The following MCEE variants were observed in gnomAD, a reference collection of about 807,000 sequenced individuals.
MCEE encodes methylmalonyl-CoA epimerase.
A neutral mutation model predicts 12.9 loss-of-function variants in MCEE; 6 were observed. The ratio of observed to expected loss-of-function variants is 0.47; its 90% CI spans 0.26 to 0.92. The LOEUF is 0.92. Among genes scored for constraint, MCEE ranks in the 40% least tolerant of loss-of-function variants. The pLI is 0.16. For synonymous variants in MCEE, 78 were observed against 77.9 expected (o/e 1.00, Z -0.01); for missense variants, 214 against 212.1 (o/e 1.01, Z -0.05).
At chr2:71,127,607 T>C (rs1171331343) in intron 1 of MCEE, among the ~76,000 whole-genome samples, 2 of 152,050 alleles carry the variant, frequency 1.3e-5, no homozygotes, top group Non-Finnish European at 1.5e-5. Flanking sequence ...CTTCACATAA[T>C]CTAATTTTAG....
At chr2:71,115,470 G>A (rs1015555469) in intron 2 of MCEE, among the ~76,000 whole-genome samples, 6 of 141,006 alleles carry the variant, frequency 4.3e-5, no homozygotes, top group African/African-American at 6.4e-5. Context: ...CAATTTTAAA[G>A]CTCTTTTACC....
intron 2 of MCEE, among the ~76,000 whole-genome samples, chr2:71,122,662 G>T (rs544258674): frequency 1.2e-4 from 19 of 152,270 alleles, no homozygotes; most frequent in Admixed American, 2.0e-4. Flanking sequence ...CACAAGAACA[G>T]CACGGAAAGA....
At chr2:71,124,046 G>T (rs1054021063) in intron 2 of MCEE, among the ~76,000 whole-genome samples, 160 bp downstream of exon 2, 14 of 152,146 alleles carry the variant, frequency 9.2e-5, no homozygotes, top group African/African-American at 3.4e-4. Context: ...GAAAAGAAAT[G>T]TATGTAAGGA....
Position 71,130,182 on chromosome 2 carries a change from A to G in MCEE, c.38T>C (p.Val13Ala), listed in dbSNP as rs746939893. The change falls in exon 1 of 3, where the codon GTA becomes GCA. Residue 13 changes from valine (V) to alanine (A), a missense_variant and splice_region_variant. Val to Ala is a moderately conservative substitution (Grantham distance 64). Transcript: ENST00000244217. Reference sequence around the variant, plus strand: ...GGTCGCCGGTGCCCGGTATTCACCTACGGCATTCGCGGCTGCAGCCTTCAG... The same window carrying G: ...GGTCGCCGGTGCCCGGTATTCACCTGCGGCATTCGCGGCTGCAGCCTTCAG... ...RVLKAAAANA[V>A]GLFSRLQAPI... 2.5e-5 allele frequency: 40 copies of G among 1,609,012 alleles called. No individual in the cohort carries two copies. The Admixed American group carries it at 6.7e-4, about 27-fold the overall frequency.
chr2:71,130,122 G>T (rs1673337793), intron 1 of MCEE, 58 bp downstream of exon 1: 32 of 1,563,614 alleles, frequency 2.0e-5, no homozygotes, highest in East Asian at 2.3e-5. Context: ...CTCCGCCCCC[G>T]ACCGCCGTTC....
At chr2:71,118,989 C>G (rs1052615339) in intron 2 of MCEE, among the ~76,000 whole-genome samples, 12 of 149,876 alleles carry the variant, frequency 8.0e-5, no homozygotes, top group Admixed American at 7.9e-4. Flanking sequence ...CCTCACCTTG[C>G]CAGGATCCCA....
chr2:71,119,802 C>T (rs759653274), intron 2 of MCEE, among the ~76,000 whole-genome samples: 4 of 149,990 alleles, frequency 2.7e-5, no homozygotes, highest in Non-Finnish European at 5.9e-5. Context: ...GCCTGTAATC[C>T]CAGTGCTTTG....
intron 1 of MCEE, among the ~76,000 whole-genome samples, chr2:71,125,209 A>ATTTTTTTTTTT (rs1449400615): frequency 1.7e-4 from 8 of 48,162 alleles, no homozygotes; most frequent in African/African-American, 2.3e-4. Flanking sequence ...ATATATATAT[A>ATTTTTTTTTTT]TATTTTTTTT....
chr2:71,115,103 TTTCATGCTGGGCACAGTGG>T (rs1236232803), intron 2 of MCEE, among the ~76,000 whole-genome samples: 3 of 152,178 alleles, frequency 2.0e-5, no homozygotes, highest in African/African-American at 7.2e-5. Context: ...GGGCACAGTG[TTTCATGCTGGGCACAGTGG>T]TTCATGCCTA....
chr2:71,121,858 T>C (rs1226592187), intron 2 of MCEE, among the ~76,000 whole-genome samples: 3 of 152,196 alleles, frequency 2.0e-5, no homozygotes, highest in Non-Finnish European at 2.9e-5. Flanking sequence ...TAAGGTCTTA[T>C]AGCTTCCCCA....
intron 2 of MCEE, among the ~76,000 whole-genome samples, chr2:71,113,306 C>T (rs938778417): frequency 6.6e-6 from 1 of 151,982 alleles, no homozygotes; most frequent in Admixed American, 6.6e-5. Context: ...ATACAGTATA[C>T]ACACATATAT....
chr2:71,128,978 C>T (rs1673302994), intron 1 of MCEE, among the ~76,000 whole-genome samples: 2 of 136,330 alleles, frequency 1.5e-5, no homozygotes, highest in African/African-American at 5.9e-5. Context: ...GAGTGAGACT[C>T]TGTCTCAAAA....
At chr2:71,112,624 C>A (rs1443514194) in intron 2 of MCEE, among the ~76,000 whole-genome samples, 5 of 149,138 alleles carry the variant, frequency 3.4e-5, no homozygotes, top group East Asian at 2.0e-4. Context: ...TTAGTAGAGA[C>A]TGGGTTTCAC....
chr2:71,118,251 T>A (rs376706561), intron 2 of MCEE: 1 of 150,878 alleles, frequency 6.6e-6, no homozygotes, highest in South Asian at 2.1e-4. Context: ...ACTCCCCACA[T>A]TAGTCACCAT....
chr2:71,110,147 C>T, intron 2 of MCEE, 25 bp from the exon 3 acceptor site: 12 of 1,603,994 alleles, frequency 7.5e-6, no homozygotes, highest in Non-Finnish European at 9.4e-6. Context: ...ATAAATTGAA[C>T]ACATTTGAGA....
intron 2 of MCEE, among the ~76,000 whole-genome samples, chr2:71,111,776 G>A (rs1401132367): frequency 6.6e-6 from 1 of 152,110 alleles, no homozygotes; most frequent in African/African-American, 2.4e-5. Context: ...GTTCCACGTG[G>A]ATTCCCCCTT....
intron 2 of MCEE, among the ~76,000 whole-genome samples, chr2:71,116,548 CTTT>C (rs200248524): frequency 3.9e-5 from 5 of 128,956 alleles, no homozygotes; most frequent in Admixed American, 7.6e-5. Context: ...GAATTCAAAA[CTTT>C]TTTTTTTTTT....
chr2:71,117,130 G>A (rs1214528007), intron 2 of MCEE, among the ~76,000 whole-genome samples: 2 of 150,586 alleles, frequency 1.3e-5, no homozygotes, highest in Non-Finnish European at 2.9e-5. Flanking sequence ...ATAAATCCAT[G>A]AAAGTTAAAG....
intron 2 of MCEE, among the ~76,000 whole-genome samples, chr2:71,114,591 A>C (rs1017429277): frequency 1.3e-5 from 2 of 152,220 alleles, no homozygotes. Context: ...TCCTGATTAG[A>C]GCAAATCAAC....
Sources: allele counts gnomAD v4.1 joint callset (sites outside exome capture counted in the v4.1 genomes callset), GRCh38; gene constraint gnomAD v4.1.1; transcripts MANE v1.5; gene names NCBI Gene and HGNC (gene_info 2026-07-23, HGNC 2026-07-21).